CDR2: variants seen among roughly 807,000 people sequenced by gnomAD.
The protein encoded by CDR2 is cerebellar degeneration-related protein 2.
CDR2 carries 34 observed loss-of-function variants against 48.4 expected under a neutral mutation model. The observed-to-expected ratio is 0.70, with a 90% confidence interval of 0.53 to 0.94. The LOEUF (loss-of-function observed/expected upper bound fraction) is 0.94. Ranked by LOEUF, CDR2 falls within the 40% of genes least tolerant of loss-of-function variation. The probability of loss-of-function intolerance (pLI) is 0.00; values close to 1 mark genes in which losing one functional copy is unlikely to be tolerated. For synonymous variants in CDR2, 240 were observed against 219.7 expected, an observed-to-expected ratio of 1.09 and a Z score of -0.82; for missense variants, 498 against 549.5, an observed-to-expected ratio of 0.91 and a Z score of 0.94.
chr16:22,353,409 A>G (rs2048955320), intron 2 of CDR2, among the ~76,000 whole-genome samples: 1 of 152,226 alleles, frequency 6.6e-6, no homozygotes, highest in Non-Finnish European at 1.5e-5. Flanking sequence ...TACAGCAAGC[A>G]CATTTTTCTA....
intron 2 of CDR2, among the ~76,000 whole-genome samples, chr16:22,361,158 GC>G (rs1451904584): frequency 1.3e-5 from 2 of 152,214 alleles, no homozygotes; most frequent in Non-Finnish European, 2.9e-5. Flanking sequence ...AACTTAGGAT[GC>G]TAGCTCACCG....
intron 2 of CDR2, among the ~76,000 whole-genome samples, chr16:22,354,063 A>C (rs766062935): frequency 3.3e-5 from 5 of 152,202 alleles, no homozygotes; most frequent in Non-Finnish European, 5.9e-5. Flanking sequence ...CAGTTTTCAA[A>C]CTTTACATGT....
intron 2 of CDR2, among the ~76,000 whole-genome samples, chr16:22,358,971 C>CA (rs1019161794): frequency 3.7e-4 from 56 of 152,000 alleles, no homozygotes; most frequent in African/African-American, 1.3e-3. Context: ...GCAATATTCC[C>CA]AACACAAAGA....
chr16:22,362,954 C>CTT (rs1278079544), intron 2 of CDR2, among the ~76,000 whole-genome samples: 33 of 137,802 alleles, frequency 2.4e-4, no homozygotes, highest in Admixed American at 2.2e-4. Flanking sequence ...TACAGTAGGT[C>CTT]TTTTTTTTTT....
Position 22,346,547 on chromosome 16 carries a change from G to T in CDR2, c.*418C>A. On this transcript the variant is annotated 3_prime_UTR_variant, in exon 5 of 5. Coordinates refer to ENST00000268383, the MANE Select transcript of CDR2 (RefSeq NM_001802.2). ...ATTCAAACTGTTTGCAAAGATATTT[G>T]AGTTTGACAGCCTTCTGACTTTCAT... 1 of 175,058 alleles carries T rather than the reference G, an allele frequency of 5.7e-6. No individual in the cohort carries two copies. The highest frequency in any genetic ancestry group is 1.2e-5 in the Non-Finnish European group (1 of 81,104). 10.8% of individuals were successfully genotyped at this position (175,058 alleles called of 1,614,324 possible).
chr16:22,369,463 T>C (rs2049063015), intron 1 of CDR2, among the ~76,000 whole-genome samples: 1 of 152,172 alleles, frequency 6.6e-6, no homozygotes, highest in South Asian at 2.1e-4. Flanking sequence ...GACAGCACTC[T>C]TTAGTAGATA....
chr16:22,373,790 AAAC>A (rs546155713), intron 1 of CDR2, among the ~76,000 whole-genome samples: 125 of 152,346 alleles, frequency 8.2e-4, no homozygotes, highest in African/African-American at 2.7e-3. Context: ...CTACGCCGCA[AAAC>A]AACTACCACC....
rs1441135787 is a variant in CDR2, at chr16:22,365,146, C to A, written c.80-132G>T. The A allele has an allele frequency of 1.8e-5, 11 of 610,684 alleles. No individual in the cohort carries two copies. The East Asian group carries it at 3.1e-4, about 17-fold the overall frequency. 37.8% of individuals were successfully genotyped at this position (610,684 alleles called of 1,614,324 possible). A position where few individuals can be genotyped will look rare whatever the true frequency, so the allele number is the denominator to read the frequency against. ...GAAGGTGGAGTGGCACAGAAGGAAA[C>A]CCGAGTTCTACTTAAAATTCAGTTA... On this transcript the variant is annotated intron_variant, in intron 1 of 4. Transcript: ENST00000268383.
intron 4 of CDR2, among the ~76,000 whole-genome samples, chr16:22,348,801 A>C (rs1368485722): frequency 1.3e-5 from 2 of 152,150 alleles, no homozygotes; most frequent in African/African-American, 4.8e-5. Context: ...GTTAGACTGA[A>C]AGCTCACAGG....
intron 2 of CDR2, among the ~76,000 whole-genome samples, chr16:22,352,343 C>T (rs1567344669): frequency 6.6e-6 from 1 of 151,696 alleles, no homozygotes. Context: ...TCAACGGGCC[C>T]TTAAAGTGTT....
At chr16:22,364,430 A>C (rs1031293491) in intron 2 of CDR2, among the ~76,000 whole-genome samples, 1 of 152,006 alleles carries the variant, frequency 6.6e-6, no homozygotes, top group Non-Finnish European at 1.5e-5. Context: ...TGGGAGGGAT[A>C]TGTCACCAAG....
At chr16:22,363,406 T>C (rs983044368) in intron 2 of CDR2, among the ~76,000 whole-genome samples, 1 of 152,260 alleles carries the variant, frequency 6.6e-6, no homozygotes, top group African/African-American at 2.4e-5. Context: ...GAGGGTCTAC[T>C]GTATACACCT....
At position 22,347,836 on chromosome 16, in the gene CDR2, A is replaced by G; in HGVS notation, c.507-13T>C. 2 of 1,595,560 alleles carry G rather than the reference A, an allele frequency of 1.3e-6. No homozygotes were observed. Among genetic ancestry groups the G allele is most frequent in the Non-Finnish European group, 1.7e-6 (2 of 1,170,462 alleles). On this transcript the variant is annotated splice_polypyrimidine_tract_variant and intron_variant, in intron 4 of 4. Coordinates refer to ENST00000268383, the MANE Select transcript of CDR2 (RefSeq NM_001802.2). ...ATACACGAAGTGTCTAGGGAAAAAA[A>G]TATTGAAAGAATATATTACACAGGT...
At chr16:22,347,937 ATTT>A (rs1287577230) in intron 4 of CDR2, 114 bp from the exon 5 acceptor site, 4 of 1,025,322 alleles carry the variant, frequency 3.9e-6, no homozygotes, top group Non-Finnish European at 5.6e-6. Flanking sequence ...ACAGTGACTA[ATTT>A]TTTTTTCTTT....
At chr16:22,348,526 G>C (rs933226444) in intron 4 of CDR2, among the ~76,000 whole-genome samples, 1 of 152,168 alleles carries the variant, frequency 6.6e-6, no homozygotes, top group African/African-American at 2.4e-5. Context: ...AACTACGATT[G>C]AATCACTACA....
At position 22,347,763 on chromosome 16, in the gene CDR2, G is replaced by C. The variant is rs972655941; in HGVS notation, c.567C>G (p.Ser189Arg). 2.5e-6 allele frequency: 4 copies of C among 1,613,822 alleles called. No individual in the cohort carries two copies. The East Asian group carries it at 6.7e-5, about 27-fold the overall frequency. Residue 189 changes from serine to arginine, a missense_variant, in exon 5 of 5, where the codon AGC becomes AGG. Transcript: ENST00000268383. ...AGTGCTCATTTTCCTCTTCATCAGGGCTTGGCTGACCTTGCAAGGAAGTGA... is the reference window on the plus strand; with the variant it reads ...AGTGCTCATTTTCCTCTTCATCAGGCCTTGGCTGACCTTGCAAGGAAGTGA... Reference protein sequence around the residue: ...EKITSLQGQPSPDEEENEHLK... With the variant: ...EKITSLQGQPRPDEEENEHLK...
At chr16:22,362,046 C>T (rs1189818162) in intron 2 of CDR2, among the ~76,000 whole-genome samples, 7 of 151,914 alleles carry the variant, frequency 4.6e-5, no homozygotes, top group East Asian at 3.9e-4. Context: ...GGACTACAGG[C>T]GCCCGCCACC....
rs142592373 is a variant in CDR2, at chr16:22,374,072, C to T, written c.79+159G>A. 5.0e-3 allele frequency among the ~76,000 whole-genome samples: 759 copies of T among 152,356 alleles called. 7 individuals carry two copies. The highest frequency in any genetic ancestry group is 6.3e-3 in the Non-Finnish European group (431 of 68,028). On this transcript the variant is annotated intron_variant, in intron 1 of 4. Transcript: ENST00000268383. ...GCCCCGTGCCGAGGCTTCCTGCGGGCGGGATCCGCGGGCACGGCCGGCCCA... is the reference window on the plus strand; with the variant it reads ...GCCCCGTGCCGAGGCTTCCTGCGGGTGGGATCCGCGGGCACGGCCGGCCCA...
Position 22,364,932 on chromosome 16 carries a change from T to G in CDR2, c.162A>C (p.Thr54=). ...TTTCCTGTAACTGCTCCTGATTGGT[T>G]GTATACATCTGCTGAACAGAGTCCT... ...ELEDSVQQMY[T]TNQEQLQEIE... is the part of the protein sequence containing the mutation. Residue 54 remains threonine, a synonymous_variant, in exon 2 of 5, where the codon ACA becomes ACC. Coordinates refer to ENST00000268383, the MANE Select transcript of CDR2 (RefSeq NM_001802.2). 6.2e-7 allele frequency: 1 copy of G among 1,612,184 alleles called. No homozygotes were observed. The highest frequency in any genetic ancestry group is 1.3e-5 in the African/African-American group (1 of 75,018).
Sources: gnomAD v4.1 joint callset for allele counts (sites outside exome capture counted in the v4.1 genomes callset) on GRCh38, gnomAD v4.1.1 for gene constraint, MANE v1.5 for transcripts, NCBI Gene and HGNC (gene_info 2026-07-23, HGNC 2026-07-21) for gene names.